SHISA6: variants seen among roughly 807,000 people sequenced by gnomAD.
The protein encoded by SHISA6 is protein shisa-6.
A neutral mutation model predicts 47.9 loss-of-function variants in SHISA6; 22 were observed. The ratio of observed to expected loss-of-function variants is 0.46; its 90% CI spans 0.33 to 0.66. SHISA6 has a LOEUF of 0.66. SHISA6 is among the 30% of genes least tolerant of loss of function. The pLI is 0.02. For missense variants in SHISA6, 680 were observed against 764.6 expected, an observed-to-expected ratio of 0.89 and a Z score of 1.30; for synonymous variants, 388 against 337.8, an observed-to-expected ratio of 1.15 and a Z score of -1.63.
intron 4 of SHISA6, 64 bp downstream of exon 4, chr17:11,552,016 G>A: frequency 6.8e-7 from 1 of 1,479,674 alleles, no homozygotes; most frequent in African/African-American, 1.4e-5. Flanking sequence ...TTCTAAGGAT[G>A]GATGCCTATC....
At chr17:11,271,601 CTTTTTTTTTTTTTTTTTTT>C (rs770845288) in intron 2 of SHISA6, among the ~76,000 whole-genome samples, 2 of 99,736 alleles carry the variant, frequency 2.0e-5, no homozygotes, top group Non-Finnish European at 4.0e-5. Context: ...CCACGCCTGG[CTTTTTTTTTTTTTTTTTTT>C]TTTTTTTTTT....
intron 3 of SHISA6, among the ~76,000 whole-genome samples, chr17:11,389,279 G>A (rs2142254204): frequency 6.6e-6 from 1 of 152,298 alleles, no homozygotes; most frequent in East Asian, 1.9e-4. Flanking sequence ...CTGGACTGGT[G>A]TAAGGAGAGG....
chr17:11,333,124 G>A (rs1365702058), intron 2 of SHISA6, among the ~76,000 whole-genome samples: 2 of 152,092 alleles, frequency 1.3e-5, no homozygotes, highest in Admixed American at 6.5e-5. Context: ...TGAGGAGCTG[G>A]GACTGATCGT....
At chr17:11,397,430 T>TGTGTGTGTGTG (rs1555532586) in intron 3 of SHISA6, among the ~76,000 whole-genome samples, 6 of 150,930 alleles carry the variant, frequency 4.0e-5, no homozygotes, top group African/African-American at 7.3e-5. Context: ...TGTGTGTGTG[T>TGTGTGTGTGTG]TCACTACCTT....
At chr17:11,466,266 T>G (rs1217560736) in intron 3 of SHISA6, among the ~76,000 whole-genome samples, 1 of 152,128 alleles carries the variant, frequency 6.6e-6, no homozygotes, top group Non-Finnish European at 1.5e-5. Context: ...GGGTTGAACT[T>G]GAGGCTGCTT....
intron 3 of SHISA6, among the ~76,000 whole-genome samples, chr17:11,438,659 G>T (rs1055788065): frequency 2.0e-5 from 3 of 152,120 alleles, no homozygotes; most frequent in African/African-American, 7.2e-5. Context: ...CTCCTTAAAA[G>T]CCCTATCTCC....
chr17:11,384,128 G>T (rs975424533), intron 3 of SHISA6, among the ~76,000 whole-genome samples: 1 of 152,244 alleles, frequency 6.6e-6, no homozygotes, highest in African/African-American at 2.4e-5. Context: ...ACTCAGAGCA[G>T]TTGAGCAACT....
At chr17:11,261,755 C>T (rs1476933943) in intron 1 of SHISA6, among the ~76,000 whole-genome samples, 1 of 152,170 alleles carries the variant, frequency 6.6e-6, no homozygotes, top group Admixed American at 6.5e-5. Flanking sequence ...GTTATTAATA[C>T]TGCTGCTATG....
At chr17:11,527,109 A>G (rs1363316530) in intron 3 of SHISA6, among the ~76,000 whole-genome samples, 1 of 151,864 alleles carries the variant, frequency 6.6e-6, no homozygotes, top group Non-Finnish European at 1.5e-5. Context: ...TTTCCTGGAC[A>G]TTTTTCCCAA....
At chr17:11,487,337 G>A (rs1916377882) in intron 3 of SHISA6, among the ~76,000 whole-genome samples, 1 of 152,228 alleles carries the variant, frequency 6.6e-6, no homozygotes, top group Non-Finnish European at 1.5e-5. Context: ...CCTAAAGCCT[G>A]AAAGTTAGGG....
chr17:11,548,553 G>A (rs1215492371), intron 3 of SHISA6, among the ~76,000 whole-genome samples: 3 of 151,702 alleles, frequency 2.0e-5, no homozygotes, highest in East Asian at 1.9e-4. Flanking sequence ...CAAGTGAATC[G>A]TTCAACATGA....
chr17:11,274,622 T>TG (rs1365388378), intron 2 of SHISA6, among the ~76,000 whole-genome samples: 2 of 152,254 alleles, frequency 1.3e-5, no homozygotes, highest in Admixed American at 1.3e-4. Context: ...AAAGGCTATT[T>TG]GGGAAACCAA....
At chr17:11,496,048 T>C (rs987602178) in intron 3 of SHISA6, among the ~76,000 whole-genome samples, 7 of 150,996 alleles carry the variant, frequency 4.6e-5, no homozygotes, top group Non-Finnish European at 8.9e-5. Context: ...AACAGATTAA[T>C]GATGGCCTAC....
At chr17:11,499,546 C>A (rs2142345302) in intron 3 of SHISA6, among the ~76,000 whole-genome samples, 1 of 152,138 alleles carries the variant, frequency 6.6e-6, no homozygotes, top group East Asian at 1.9e-4. Context: ...CTACTTTATG[C>A]TAAAGTGTTA....
At chr17:11,509,839 A>G (rs926804807) in intron 3 of SHISA6, among the ~76,000 whole-genome samples, 1 of 152,178 alleles carries the variant, frequency 6.6e-6, no homozygotes, top group Non-Finnish European at 1.5e-5. Flanking sequence ...TCTATTGTCT[A>G]GTGTGCTTTG....
rs536686611 is a variant in SHISA6 at position 11,539,911 on chromosome 17, A to G, written c.896-11985A>G. Among the ~76,000 whole-genome samples the G allele has an allele frequency of 2.6e-5, 4 of 152,368 alleles. No homozygotes were observed. The East Asian group carries it at 7.7e-4, about 29-fold the overall frequency. ...TAATTGAGGGAGAGGAGATATGATC[A>G]GTTGATAAGTCCAGAGAAAGACAGG... On this transcript the variant is annotated intron_variant, in intron 3 of 5. Coordinates refer to ENST00000441885, the MANE Select transcript of SHISA6 (RefSeq NM_207386.4).
intron 3 of SHISA6, among the ~76,000 whole-genome samples, chr17:11,530,827 G>A (rs1432776871): frequency 1.3e-5 from 2 of 152,174 alleles, no homozygotes; most frequent in African/African-American, 4.8e-5. Flanking sequence ...GTTTCAGAGC[G>A]AGGCAGCTGA....
At chr17:11,368,340 GT>G (rs1912522125) in intron 2 of SHISA6, among the ~76,000 whole-genome samples, 1 of 152,134 alleles carries the variant, frequency 6.6e-6, no homozygotes, top group South Asian at 2.1e-4. Context: ...TAGCGGGTCT[GT>G]TTTTTCCAAA....
chr17:11,273,115 G>A (rs6502136), intron 2 of SHISA6, among the ~76,000 whole-genome samples: 13,508 of 152,212 alleles, frequency 0.089, 668 homozygotes, highest in East Asian at 0.18. Context: ...AAGCCCATGA[G>A]GCAGGTACCA....
Sources: gnomAD v4.1 joint callset for allele counts (sites outside exome capture counted in the v4.1 genomes callset) on GRCh38, gnomAD v4.1.1 for gene constraint, MANE v1.5 for transcripts, NCBI Gene and HGNC (gene_info 2026-07-23, HGNC 2026-07-21) for gene names.